Variants in DNER observed in about 807,000 individuals in gnomAD.
DNER encodes delta and Notch-like epidermal growth factor-related receptor.
A neutral mutation model predicts 78.2 loss-of-function variants in DNER; 33 were observed. The ratio of observed to expected loss-of-function variants is 0.42; its 90% CI spans 0.32 to 0.56. The LOEUF (loss-of-function observed/expected upper bound fraction) is 0.56, where lower values mean the gene tolerates loss of function less well. DNER is among the 20% of genes least tolerant of loss of function. The pLI, the probability that DNER is intolerant of heterozygous loss-of-function variation, is 0.11. For synonymous variants in DNER, 417 were observed against 384.8 expected (o/e 1.08, Z -0.98); for missense variants, 918 against 975.3 (o/e 0.94, Z 0.78).
intron 5 of DNER, among the ~76,000 whole-genome samples, chr2:229,513,837 G>A (rs1695919273): frequency 6.6e-6 from 1 of 152,072 alleles, no homozygotes; most frequent in African/African-American, 2.4e-5. Context: ...CCTGGCACAT[G>A]GGGCAGATGT....
intron 1 of DNER, among the ~76,000 whole-genome samples, chr2:229,648,026 A>G (rs1157827543): frequency 6.6e-6 from 1 of 152,182 alleles, no homozygotes; most frequent in African/African-American, 2.4e-5. Flanking sequence ...AGGAATATAC[A>G]CTTTTATATC....
chr2:229,430,808 G>A (rs1254504922), intron 8 of DNER, among the ~76,000 whole-genome samples: 4 of 151,718 alleles, frequency 2.6e-5, no homozygotes, highest in African/African-American at 9.7e-5. Flanking sequence ...CCGATTACAA[G>A]GGAAATGATG....
intron 5 of DNER, among the ~76,000 whole-genome samples, chr2:229,522,103 T>C (rs1246626360): frequency 6.6e-6 from 1 of 152,052 alleles, no homozygotes; most frequent in African/African-American, 2.4e-5. Flanking sequence ...ATTCATGGAA[T>C]TCATTCCTTC....
chr2:229,532,779 A>T (rs528399321), intron 5 of DNER, among the ~76,000 whole-genome samples: 15 of 152,330 alleles, frequency 9.8e-5, no homozygotes, highest in African/African-American at 3.4e-4. Context: ...TATAATTTTA[A>T]TTGGCTGGCT....
At chr2:229,497,617 T>G (rs1416518956) in intron 6 of DNER, among the ~76,000 whole-genome samples, 1 of 151,620 alleles carries the variant, frequency 6.6e-6, no homozygotes, top group African/African-American at 2.4e-5. Flanking sequence ...ATATTACAAC[T>G]GATACCACAG....
At chr2:229,551,798 G>C (rs946871613) in intron 4 of DNER, among the ~76,000 whole-genome samples, 1 of 152,096 alleles carries the variant, frequency 6.6e-6, no homozygotes, top group Non-Finnish European at 1.5e-5. Context: ...CGGGCATGGT[G>C]GTGGGTGCCT....
At chr2:229,397,336 T>C (rs1228809740) in intron 10 of DNER, among the ~76,000 whole-genome samples, 5 of 151,662 alleles carry the variant, frequency 3.3e-5, no homozygotes, top group Admixed American at 3.3e-4. Context: ...AACCCGGAAA[T>C]GTCAAAAGAT....
chr2:229,627,025 G>A (rs1252104813), intron 1 of DNER, among the ~76,000 whole-genome samples: 3 of 152,186 alleles, frequency 2.0e-5, no homozygotes, highest in African/African-American at 7.2e-5. Context: ...CTCAGAGCAG[G>A]CAACACATTT....
intron 2 of DNER, 90 bp from the exon 3 acceptor site, chr2:229,588,578 T>C (rs1574915902): frequency 1.7e-6 from 2 of 1,158,232 alleles, no homozygotes; most frequent in East Asian, 2.4e-5. Context: ...TGAATTTCCT[T>C]CATCCCTTTT....
At chr2:229,694,133 GCCT>G (rs1238091751) in intron 1 of DNER, among the ~76,000 whole-genome samples, 1 of 152,346 alleles carries the variant, frequency 6.6e-6, no homozygotes, top group East Asian at 1.9e-4. Context: ...CAAGCCCCAA[GCCT>G]TGGTGGCTTA....
At chr2:229,573,133 C>G (rs1474937128) in intron 4 of DNER, among the ~76,000 whole-genome samples, 4 of 152,158 alleles carry the variant, frequency 2.6e-5, no homozygotes, top group Admixed American at 6.5e-5. Context: ...TGCAGCCAAA[C>G]AGCATTTGTC....
At position 229,591,955 on chromosome 2, in the gene DNER, T is replaced by A; in HGVS notation, c.277-67A>T. ...AAAAGTGGTGCCATCGCTGGGAAAT[T>A]AGCTCTGTGTCTCAGAGCGACTGCT... is the stretch of plus-strand genomic sequence containing the variant. On this transcript the variant is annotated intron_variant, in intron 1 of 12. Transcript: ENST00000341772. This position sits in a 1 kb window ranked among gnomAD's most constrained non-coding sequence, Gnocchi z 4.6. The A allele has an allele frequency of 6.9e-7, 1 of 1,445,526 alleles. No individual in the cohort carries two copies. The highest frequency in any genetic ancestry group is 2.3e-4 in the Middle Eastern group (1 of 4,294). The allele number at this position is 1,445,526 out of a possible 1,614,324, so 89.5% of individuals were successfully genotyped here.
At chr2:229,711,867 C>T (rs997535086) in intron 1 of DNER, among the ~76,000 whole-genome samples, 1 of 152,114 alleles carries the variant, frequency 6.6e-6, no homozygotes, top group Non-Finnish European at 1.5e-5. Flanking sequence ...CCCACCACCC[C>T]AGGTTTAACT....
At chr2:229,677,058 G>T (rs1341883372) in intron 1 of DNER, among the ~76,000 whole-genome samples, 3 of 152,128 alleles carry the variant, frequency 2.0e-5, no homozygotes, top group Admixed American at 6.6e-5. Context: ...TGACACTGGG[G>T]TTTCTTCTTT....
At chr2:229,493,956 C>A (rs979467584) in intron 6 of DNER, among the ~76,000 whole-genome samples, 1 of 152,152 alleles carries the variant, frequency 6.6e-6, no homozygotes, top group South Asian at 2.1e-4. Flanking sequence ...GATTCCAGGG[C>A]AGACAGTATC....
intron 4 of DNER, among the ~76,000 whole-genome samples, chr2:229,585,537 G>A (rs1574914349): frequency 6.6e-6 from 1 of 152,020 alleles, no homozygotes; most frequent in South Asian, 2.1e-4. Flanking sequence ...GTGGGTGCCT[G>A]TAGCCCCAGT....
At chr2:229,492,487 G>A (rs1695422069) in intron 6 of DNER, among the ~76,000 whole-genome samples, 1 of 152,152 alleles carries the variant, frequency 6.6e-6, no homozygotes. Context: ...ATGTAGCAGT[G>A]AAACACACTC....
chr2:229,634,335 G>A (rs1443671990), intron 1 of DNER, among the ~76,000 whole-genome samples: 1 of 152,022 alleles, frequency 6.6e-6, no homozygotes, highest in African/African-American at 2.4e-5. Flanking sequence ...CATTCTGTGA[G>A]GAGGAAATTG....
intron 5 of DNER, among the ~76,000 whole-genome samples, chr2:229,527,679 A>T (rs537566451): frequency 6.6e-6 from 1 of 152,168 alleles, no homozygotes; most frequent in African/African-American, 2.4e-5. Flanking sequence ...AGTTACTTCT[A>T]TTTTTTAAAA....
Sources: allele counts gnomAD v4.1 joint callset (sites outside exome capture counted in the v4.1 genomes callset), GRCh38; gene constraint gnomAD v4.1.1; non-coding constraint Gnocchi (gnomAD v3.1); transcripts MANE v1.5; gene names NCBI Gene and HGNC (gene_info 2026-07-23, HGNC 2026-07-21).